RAB8B: variants seen among roughly 807,000 people sequenced by gnomAD.
The protein encoded by RAB8B is RAB8B, member RAS oncogene family, also known as ras-related protein Rab-8B.
Under a neutral mutation model 32.0 loss-of-function variants are expected in RAB8B, and 11 were observed. The ratio of observed to expected loss-of-function variants is 0.34; its 90% CI spans 0.22 to 0.57. The LOEUF (loss-of-function observed/expected upper bound fraction) is 0.57. RAB8B is among the 20% of genes least tolerant of loss of function. The probability of loss-of-function intolerance (pLI) is 0.86; values close to 1 mark genes in which losing one functional copy is unlikely to be tolerated. For missense variants in RAB8B, 190 were observed against 258.5 expected (o/e 0.73, Z 1.82); for synonymous variants, 103 against 89.6 (o/e 1.15, Z -0.85).
rs144628492 is a variant in RAB8B at position 63,214,618 on chromosome 15, C to T, written c.124+24870C>T. ...CTTCTCAAAGTGCTAGGATTACAGG[C>T]GTGAGCCACCATGCCCAACCGTTTC... On this transcript the variant is annotated intron_variant, in intron 1 of 7. Coordinates refer to ENST00000321437, the MANE Select transcript of RAB8B (RefSeq NM_016530.3). Among the ~76,000 whole-genome samples, 1,383 of 152,248 alleles carry T rather than the reference C, an allele frequency of 9.1e-3. 11 individuals carry two copies. Among genetic ancestry groups the T allele is most frequent in the Non-Finnish European group, 0.015 (991 of 68,016 alleles).
At chr15:63,233,256 G>A (rs953688227) in intron 1 of RAB8B, among the ~76,000 whole-genome samples, 3 of 150,894 alleles carry the variant, frequency 2.0e-5, no homozygotes, top group Non-Finnish European at 3.0e-5. Flanking sequence ...TAGAGGTGGG[G>A]TCTCATCATG....
At chr15:63,208,150 A>G (rs2037714661) in intron 1 of RAB8B, among the ~76,000 whole-genome samples, 2 of 152,176 alleles carry the variant, frequency 1.3e-5, no homozygotes, top group South Asian at 4.1e-4. Context: ...TCGTTGGCCT[A>G]TCATTCCAAA....
chr15:63,244,159 G>A (rs1364729017), intron 1 of RAB8B, among the ~76,000 whole-genome samples: 2 of 152,212 alleles, frequency 1.3e-5, no homozygotes, highest in Non-Finnish European at 2.9e-5. Context: ...CAATTCTAGA[G>A]TACAGTCAGG....
chr15:63,210,932 C>G (rs927542705), intron 1 of RAB8B, among the ~76,000 whole-genome samples: 1 of 152,142 alleles, frequency 6.6e-6, no homozygotes, highest in East Asian at 1.9e-4. Flanking sequence ...TCAGCATACT[C>G]GAGATACTGT....
In RAB8B at chr15:63,255,221, T is replaced by C. The variant is rs2038149900; in HGVS notation, c.247-286T>C. Among the ~76,000 whole-genome samples, 3 of 152,178 alleles carry C rather than the reference T, an allele frequency of 2.0e-5. No individual in the cohort carries two copies. The South Asian group carries it at 6.2e-4, about 32-fold the overall frequency. ...CAGCTCCAATTGGGGCTGATTGTTA[T>C]CATGTGAGGTCAGGTAGAAAGGGTG... On this transcript the variant is annotated intron_variant, in intron 3 of 7. Coordinates refer to ENST00000321437, the MANE Select transcript of RAB8B (RefSeq NM_016530.3).
intron 1 of RAB8B, among the ~76,000 whole-genome samples, chr15:63,212,182 T>C (rs1713349279): frequency 6.6e-6 from 1 of 152,120 alleles, no homozygotes; most frequent in Admixed American, 6.5e-5. Context: ...CCTCCTGAAT[T>C]GATGTAGAGG....
chr15:63,216,157 C>A (rs1291910546), intron 1 of RAB8B, among the ~76,000 whole-genome samples: 2 of 151,456 alleles, frequency 1.3e-5, no homozygotes, highest in East Asian at 3.9e-4. Context: ...GTGATTTCTC[C>A]TCTCTTTTAA....
At chr15:63,215,701 G>C (rs1382363408) in intron 1 of RAB8B, among the ~76,000 whole-genome samples, 1 of 152,112 alleles carries the variant, frequency 6.6e-6, no homozygotes, top group Admixed American at 6.5e-5. Context: ...ATTGGCAGAA[G>C]ATTCAGAAGA....
intron 1 of RAB8B, among the ~76,000 whole-genome samples, chr15:63,239,394 T>C (rs985177113): frequency 6.6e-6 from 1 of 150,928 alleles, no homozygotes; most frequent in Non-Finnish European, 1.5e-5. Flanking sequence ...CTATAATATA[T>C]TAAGAAATTT....
chr15:63,202,812 G>A (rs1377196685), intron 1 of RAB8B, among the ~76,000 whole-genome samples: 6 of 152,206 alleles, frequency 3.9e-5, no homozygotes, highest in Non-Finnish European at 7.3e-5. Context: ...AGACACAGTA[G>A]CATTGTAAAC....
intron 1 of RAB8B, among the ~76,000 whole-genome samples, chr15:63,241,571 C>T (rs772112715): frequency 6.6e-6 from 1 of 152,206 alleles, no homozygotes; most frequent in Non-Finnish European, 1.5e-5. Context: ...ACTATTTCAT[C>T]TTGCAAATCT....
chr15:63,218,391 A>G (rs1194366070), intron 1 of RAB8B, among the ~76,000 whole-genome samples: 1 of 152,190 alleles, frequency 6.6e-6, no homozygotes, highest in African/African-American at 2.4e-5. Context: ...AGCCTATCCC[A>G]TTATAGCTGT....
intron 1 of RAB8B, among the ~76,000 whole-genome samples, chr15:63,211,807 C>A (rs1437207038): frequency 2.0e-5 from 3 of 152,042 alleles, no homozygotes; most frequent in Non-Finnish European, 4.4e-5. Context: ...CCTAGTTGAT[C>A]ATTCAACAAC....
chr15:63,220,707 C>G (rs1440385198), intron 1 of RAB8B, among the ~76,000 whole-genome samples: 1 of 152,104 alleles, frequency 6.6e-6, no homozygotes, highest in African/African-American at 2.4e-5. Flanking sequence ...ATATGTAAAC[C>G]TGATTGTATT....
At chr15:63,201,384 G>C (rs1474831241) in intron 1 of RAB8B, among the ~76,000 whole-genome samples, 1 of 152,166 alleles carries the variant, frequency 6.6e-6, no homozygotes, top group Non-Finnish European at 1.5e-5. Context: ...AAGGAAGGGA[G>C]GCTCTCTGGG....
chr15:63,264,603 C>G lies in RAB8B; in HGVS notation c.*984C>G, dbSNP rs1197114079. The G allele has an allele frequency of 6.6e-6, 1 of 152,190 alleles. No homozygotes were observed. The highest frequency in any genetic ancestry group is 2.4e-5 in the African/African-American group (1 of 41,450). The allele number at this position is 152,190 out of a possible 1,614,324, so 9.4% of individuals were successfully genotyped here. A position where few individuals can be genotyped will look rare whatever the true frequency, so the allele number is the denominator to read the frequency against. ...AAATTCCTACCATAATCCCTGTCTA[C>G]AAAAGTTAGGTTTAGATTTTAGTTT... is the stretch of plus-strand genomic sequence containing the variant. On this transcript the variant is annotated 3_prime_UTR_variant, in exon 8 of 8. Coordinates refer to ENST00000321437, the MANE Select transcript of RAB8B (RefSeq NM_016530.3).
chr15:63,212,390 CAT>C (rs1448061876), intron 1 of RAB8B, among the ~76,000 whole-genome samples: 2 of 152,140 alleles, frequency 1.3e-5, no homozygotes, highest in African/African-American at 2.4e-5. Context: ...TCATCTGACT[CAT>C]ATTTATTCTA....
intron 1 of RAB8B, among the ~76,000 whole-genome samples, chr15:63,239,697 C>T (rs1275014758): frequency 1.3e-5 from 2 of 152,180 alleles, no homozygotes; most frequent in East Asian, 3.9e-4. Flanking sequence ...CGTGAGCCAC[C>T]GCACCTGGCC....
rs1321680052 is a variant in RAB8B at position 63,265,924 on chromosome 15, A to G, written c.*2305A>G. The G allele has an allele frequency of 6.6e-6, 1 of 152,612 alleles. No individual in the cohort carries two copies. The highest frequency in any genetic ancestry group is 2.4e-5 in the African/African-American group (1 of 41,460). 9.5% of individuals were successfully genotyped at this position (152,612 alleles called of 1,614,324 possible). ...GGAGTATATGCTCTGTTATATAGAA[A>G]TAAATTGTCCTTGCTATTTTCTTAC... On this transcript the variant is annotated 3_prime_UTR_variant, in exon 8 of 8. Coordinates refer to ENST00000321437, the MANE Select transcript of RAB8B (RefSeq NM_016530.3). The surrounding 1 kb of genome is among the most constrained non-coding windows in gnomAD (Gnocchi z 4.9).
Sources: gnomAD v4.1 joint callset for allele counts (sites outside exome capture counted in the v4.1 genomes callset) on GRCh38, gnomAD v4.1.1 for gene constraint, Gnocchi (gnomAD v3.1) non-coding constraint, MANE v1.5 for transcripts, NCBI Gene and HGNC (gene_info 2026-07-23, HGNC 2026-07-21) for gene names.